The following COBL variants were observed in gnomAD, a reference collection of about 807,000 sequenced individuals.
The protein encoded by COBL is protein cordon-bleu.
A neutral mutation model predicts 98.8 loss-of-function variants in COBL; 51 were observed. The ratio of observed to expected loss-of-function variants is 0.52; its 90% CI spans 0.41 to 0.65. The LOEUF (loss-of-function observed/expected upper bound fraction) is 0.65, where lower values mean the gene tolerates loss of function less well. COBL is among the 30% of genes least tolerant of loss of function. COBL has a pLI of 0.00. For missense variants in COBL, 1,617 were observed against 1,617.5 expected, an observed-to-expected ratio of 1.00 and a Z score of 0.01; for synonymous variants, 634 against 651.7, an observed-to-expected ratio of 0.97 and a Z score of 0.41.
intron 5 of COBL, among the ~76,000 whole-genome samples, chr7:51,159,103 C>T (rs930406931): frequency 6.6e-6 from 1 of 152,154 alleles, no homozygotes; most frequent in Non-Finnish European, 1.5e-5. Flanking sequence ...GCAGCGGGGG[C>T]GGCGTTGCAG....
chr7:51,218,881 T>G (rs62448321), intron 2 of COBL, among the ~76,000 whole-genome samples: 156 of 152,338 alleles, frequency 1.0e-3, no homozygotes, highest in Non-Finnish European at 1.9e-3. Context: ...TTGTAATTAA[T>G]CATTCTATCA....
chr7:51,122,685 A>G (rs1797846660), intron 6 of COBL, among the ~76,000 whole-genome samples: 2 of 152,206 alleles, frequency 1.3e-5, no homozygotes, highest in Non-Finnish European at 2.9e-5. Flanking sequence ...CACATTTAAC[A>G]TTTAAATGTC....
At chr7:51,288,118 G>A (rs1314218686) in intron 1 of COBL, among the ~76,000 whole-genome samples, 1 of 152,058 alleles carries the variant, frequency 6.6e-6, no homozygotes, top group Admixed American at 6.6e-5. Flanking sequence ...CTCCATTTTG[G>A]TTTAAAAAGT....
At chr7:51,151,870 G>A (rs1785598125) in intron 5 of COBL, among the ~76,000 whole-genome samples, 2 of 152,194 alleles carry the variant, frequency 1.3e-5, no homozygotes, top group East Asian at 1.9e-4. Flanking sequence ...GAGACCCCAC[G>A]GACAAGCCAG....
chr7:51,147,337 A>C (rs1031744430), intron 5 of COBL, among the ~76,000 whole-genome samples: 14 of 152,190 alleles, frequency 9.2e-5, no homozygotes, highest in African/African-American at 3.4e-4. Context: ...AAGAAATAGC[A>C]CTTGAACATA....
At chr7:51,260,536 C>T (rs1271196921) in intron 1 of COBL, among the ~76,000 whole-genome samples, 5 of 152,208 alleles carry the variant, frequency 3.3e-5, no homozygotes, top group Non-Finnish European at 5.9e-5. Context: ...AGGCTTGTGC[C>T]ATGAGAAAGG....
At chr7:51,254,284 C>T (rs12719045) in intron 1 of COBL, among the ~76,000 whole-genome samples, 47,794 of 152,004 alleles carry the variant, frequency 0.31, 9,222 homozygotes, top group Non-Finnish European at 0.43. Context: ...CTGTGACCAA[C>T]TGTTTTAGAA....
chr7:51,280,060 G>C (rs529678654), intron 1 of COBL, among the ~76,000 whole-genome samples: 12 of 152,148 alleles, frequency 7.9e-5, no homozygotes, highest in African/African-American at 1.9e-4. Flanking sequence ...CCTCCACATA[G>C]AGCAGCAAAA....
chr7:51,212,017 C>A (rs1295152020), intron 2 of COBL, among the ~76,000 whole-genome samples: 1 of 152,118 alleles, frequency 6.6e-6, no homozygotes, highest in Non-Finnish European at 1.5e-5. Flanking sequence ...GTTATGAGAG[C>A]AGGCCTTTCA....
chr7:51,022,140 G>C (rs1787001615), intron 12 of COBL, among the ~76,000 whole-genome samples: 1 of 152,182 alleles, frequency 6.6e-6, no homozygotes, highest in South Asian at 2.1e-4. Context: ...AGGGGAACGT[G>C]GTTTCCAACG....
At position 51,016,561 on chromosome 7, in the gene COBL, TATC is replaced by T. The variant is rs1258854621; in HGVS notation, c.*987_*989del. The T allele has an allele frequency of 1.4e-4, 25 of 181,894 alleles. No individual in the cohort carries two copies. Among genetic ancestry groups the T allele is most frequent in the Non-Finnish European group, 2.6e-4 (23 of 88,094 alleles). 11.3% of individuals were successfully genotyped at this position (181,894 alleles called of 1,614,324 possible). On this transcript the variant is annotated 3_prime_UTR_variant, in exon 13 of 13. Transcript: ENST00000265136. The stretch of plus-strand genomic sequence containing the variant: ...TGGGCACCATGTGAGAAGACCACGA[TATC>T]ATACAAAGGGAGCCAATGAGCTGTT...
At chr7:51,083,986 G>C (rs2128938342) in intron 7 of COBL, among the ~76,000 whole-genome samples, 1 of 152,324 alleles carries the variant, frequency 6.6e-6, no homozygotes, top group South Asian at 2.1e-4. Flanking sequence ...AGAGAGCTTG[G>C]AAGGGAGAAT....
At chr7:51,110,690 T>A (rs2128976547) in intron 6 of COBL, among the ~76,000 whole-genome samples, 1 of 152,308 alleles carries the variant, frequency 6.6e-6, no homozygotes, top group East Asian at 1.9e-4. Flanking sequence ...TAACCAACCT[T>A]CCACTCTTGC....
chr7:51,315,391 G>A (rs1362103908), intron 1 of COBL, among the ~76,000 whole-genome samples: 4 of 152,156 alleles, frequency 2.6e-5, no homozygotes, highest in African/African-American at 9.7e-5. Flanking sequence ...AAAAGAGCCC[G>A]ACTGAAAGTC....
At chr7:51,211,080 C>A (rs545605833) in intron 2 of COBL, among the ~76,000 whole-genome samples, 16 of 152,282 alleles carry the variant, frequency 1.1e-4, no homozygotes, top group South Asian at 6.2e-4. Flanking sequence ...CAAGTGCATC[C>A]CTCCACAAGA....
Position 51,016,552 on chromosome 7 carries a change from A to C in COBL, c.*999T>G, listed in dbSNP as rs1014406178. 5.7e-6 allele frequency: 1 copy of C among 175,472 alleles called. No individual in the cohort carries two copies. The highest frequency in any genetic ancestry group is 1.2e-5 in the Non-Finnish European group (1 of 83,966). The allele number at this position is 175,472 out of a possible 1,614,324, so 10.9% of individuals were successfully genotyped here. A position where few individuals can be genotyped will look rare whatever the true frequency, so the allele number is the denominator to read the frequency against. On this transcript the variant is annotated 3_prime_UTR_variant, in exon 13 of 13. Transcript: ENST00000265136. ...ATTGGTGACTGGGCACCATGTGAGA[A>C]GACCACGATATCATACAAAGGGAGC...
chr7:51,222,947 G>T (rs1194469107), intron 1 of COBL, among the ~76,000 whole-genome samples: 1 of 152,144 alleles, frequency 6.6e-6, no homozygotes, highest in African/African-American at 2.4e-5. Flanking sequence ...CCTTGTAATA[G>T]AATTTTATCC....
chr7:51,030,330 C>T (rs56139323), intron 9 of COBL, among the ~76,000 whole-genome samples: 1 of 152,212 alleles, frequency 6.6e-6, no homozygotes, highest in Non-Finnish European at 1.5e-5. Flanking sequence ...TATTTGCCAT[C>T]TGCTTTGGCC....
At chr7:51,208,317 C>G (rs1440256920) in intron 2 of COBL, among the ~76,000 whole-genome samples, 3 of 151,982 alleles carry the variant, frequency 2.0e-5, no homozygotes, top group Non-Finnish European at 2.9e-5. Context: ...CGCCCGGCAG[C>G]CACCCCGTCC....
Sources: allele counts gnomAD v4.1 joint callset (sites outside exome capture counted in the v4.1 genomes callset), GRCh38; gene constraint gnomAD v4.1.1; transcripts MANE v1.5; gene names NCBI Gene and HGNC (gene_info 2026-07-23, HGNC 2026-07-21).